The following ZPBP variants were observed in gnomAD, a reference collection of about 807,000 sequenced individuals.
ZPBP encodes zona pellucida-binding protein 1.
In ZPBP, 26 loss-of-function variants were observed where a neutral mutation model predicts 44.8. The ratio of observed to expected loss-of-function variants is 0.58; its 90% confidence interval spans 0.43 to 0.81. ZPBP has a LOEUF of 0.81. ZPBP is among the 30% of genes least tolerant of loss of function. The pLI is 0.00. For synonymous variants in ZPBP, 174 were observed against 153.2 expected (o/e 1.14, Z -1.00); for missense variants, 409 against 434.0 (o/e 0.94, Z 0.51).
downstream of ZPBP, among the ~76,000 whole-genome samples, chr7:49,933,103 A>G (rs981239803): frequency 6.6e-6 from 1 of 152,208 alleles, no homozygotes; most frequent in Non-Finnish European, 1.5e-5. Context: ...TGTATGAAAT[A>G]TTATAGTGAT....
At chr7:49,969,370 C>T (rs145440472) in intron 7 of ZPBP, among the ~76,000 whole-genome samples, 225 of 150,730 alleles carry the variant, frequency 1.5e-3, no homozygotes, top group African/African-American at 4.9e-3. Context: ...ATGGAATTGA[C>T]AATTAAGAGA....
chr7:49,908,112 T>C (rs1035539576), intron 1 of ZPBP, among the ~76,000 whole-genome samples: 2 of 152,250 alleles, frequency 1.3e-5, no homozygotes, highest in South Asian at 2.1e-4. Context: ...GGGACCACTG[T>C]CTGTCATGTG....
intron 6 of ZPBP, among the ~76,000 whole-genome samples, chr7:50,002,440 T>G (rs1436667755): frequency 6.6e-6 from 1 of 152,128 alleles, no homozygotes; most frequent in African/African-American, 2.4e-5. Flanking sequence ...CAGGCTAGTC[T>G]TGAACTCCTG....
intron 7 of ZPBP, among the ~76,000 whole-genome samples, chr7:49,946,653 A>C (rs897090123): frequency 6.6e-6 from 1 of 151,994 alleles, no homozygotes; most frequent in African/African-American, 2.4e-5. Flanking sequence ...TGGGAGGTTG[A>C]CTATTAAATG....
downstream of ZPBP, chr7:49,937,400 T>C (rs768891520): frequency 2.1e-5 from 15 of 724,450 alleles, no homozygotes; most frequent in Non-Finnish European, 3.6e-5. Flanking sequence ...GGACATACAG[T>C]ATTTGATTAA....
chr7:49,903,039 G>T (rs1041146776), intron 1 of ZPBP, among the ~76,000 whole-genome samples: 1 of 152,108 alleles, frequency 6.6e-6, no homozygotes, highest in Non-Finnish European at 1.5e-5. Context: ...CGCCACTAGG[G>T]AAATACAAAT....
chr7:49,939,565 A>G (rs1677834752), intron 7 of ZPBP, among the ~76,000 whole-genome samples: 2 of 152,210 alleles, frequency 1.3e-5, no homozygotes, highest in African/African-American at 4.8e-5. Flanking sequence ...ATCAGTATTG[A>G]CATAAAAAAC....
chr7:50,030,408 A>G (rs75373826), intron 5 of ZPBP, among the ~76,000 whole-genome samples: 1 of 151,982 alleles, frequency 6.6e-6, no homozygotes, highest in Non-Finnish European at 1.5e-5. Context: ...TGCTTCTAAA[A>G]CTTCAATCCT....
At chr7:49,933,615 C>A (rs548630128), downstream of ZPBP, among the ~76,000 whole-genome samples, 25 of 152,188 alleles carry the variant, frequency 1.6e-4, no homozygotes, top group African/African-American at 5.8e-4. Context: ...ATGTTTATTG[C>A]GGCACTATTT....
intron 7 of ZPBP, among the ~76,000 whole-genome samples, chr7:49,962,422 A>G (rs1795895967): frequency 6.6e-6 from 1 of 151,876 alleles, no homozygotes. Flanking sequence ...GGTGTAAAAG[A>G]CATTAGGAAA....
At chr7:49,890,655 T>A (rs114234745) in intron 2 of ZPBP, among the ~76,000 whole-genome samples, 1 of 151,958 alleles carries the variant, frequency 6.6e-6, no homozygotes, top group African/African-American at 2.4e-5. Flanking sequence ...TGGAACAGGG[T>A]GCATGAGAGT....
intron 2 of ZPBP, among the ~76,000 whole-genome samples, chr7:49,860,419 A>G (rs570785703): frequency 6.6e-6 from 1 of 152,322 alleles, no homozygotes; most frequent in African/African-American, 2.4e-5. Flanking sequence ...AACTTGTAGC[A>G]TGGATTAGTG....
chr7:50,004,726 C>T (rs1798231084), intron 6 of ZPBP, among the ~76,000 whole-genome samples: 1 of 151,968 alleles, frequency 6.6e-6, no homozygotes, highest in South Asian at 2.1e-4. Flanking sequence ...AACTTGAAAA[C>T]AGGTCATTTG....
At chr7:49,857,061 C>A (rs913930006) in intron 2 of ZPBP, among the ~76,000 whole-genome samples, 17 of 138,518 alleles carry the variant, frequency 1.2e-4, no homozygotes, top group African/African-American at 4.5e-4. Flanking sequence ...TGATATCTAC[C>A]TTCTTAACAA....
chr7:49,857,957 G>C (rs1790490403), intron 2 of ZPBP, among the ~76,000 whole-genome samples: 1 of 152,118 alleles, frequency 6.6e-6, no homozygotes, highest in South Asian at 2.1e-4. Flanking sequence ...GACCACACAG[G>C]CTTTCCCAGA....
chr7:49,861,941 G>A (rs1231544837), intron 2 of ZPBP, among the ~76,000 whole-genome samples: 1 of 152,116 alleles, frequency 6.6e-6, no homozygotes, highest in Non-Finnish European at 1.5e-5. Flanking sequence ...CTTTTTTAAA[G>A]ATTATTATGG....
At chr7:49,903,707 T>G (rs930093886) in intron 1 of ZPBP, among the ~76,000 whole-genome samples, 9 of 152,178 alleles carry the variant, frequency 5.9e-5, no homozygotes, top group Non-Finnish European at 1.3e-4. Flanking sequence ...CACATATTAT[T>G]GAAGTGGCTA....
chr7:49,859,763 T>C (rs1246489269), intron 2 of ZPBP, among the ~76,000 whole-genome samples: 2 of 151,150 alleles, frequency 1.3e-5, no homozygotes, highest in Non-Finnish European at 2.9e-5. Flanking sequence ...ACAGATGTAC[T>C]TGATGTGTCT....
At chr7:49,867,671 G>A (rs1378664668) in intron 2 of ZPBP, among the ~76,000 whole-genome samples, 1 of 152,174 alleles carries the variant, frequency 6.6e-6, no homozygotes, top group Non-Finnish European at 1.5e-5. Flanking sequence ...TGGCTGAAGA[G>A]AGAGGAGAAT....
Sources: gnomAD v4.1 joint callset for allele counts (sites outside exome capture counted in the v4.1 genomes callset) on GRCh38, gnomAD v4.1.1 for gene constraint, MANE v1.5 for transcripts, NCBI Gene and HGNC (gene_info 2026-07-23, HGNC 2026-07-21) for gene names.